The following MVD variants were observed in gnomAD, a reference collection of about 807,000 sequenced individuals.
MVD encodes the protein mevalonate diphosphate decarboxylase, also known as diphosphomevalonate decarboxylase.
MVD carries 52 observed loss-of-function variants against 42.4 expected under a neutral mutation model. The ratio of observed to expected loss-of-function variants is 1.23; its 90% CI spans 0.98 to 1.55. The LOEUF is 1.55. Among genes scored for constraint, MVD ranks in the 40% most tolerant of loss-of-function variants. The pLI, the probability that MVD is intolerant of heterozygous loss-of-function variation, is 0.00. For missense variants in MVD, 663 were observed against 572.1 expected, an observed-to-expected ratio of 1.16 and a Z score of -1.62; for synonymous variants, 287 against 243.2, an observed-to-expected ratio of 1.18 and a Z score of -1.68.
chr16:88,657,592 C>G lies in MVD; in HGVS notation c.257-10G>C, dbSNP rs573525681. On this transcript the variant is annotated splice_polypyrimidine_tract_variant and intron_variant, in intron 3 of 9. Transcript: ENST00000301012. ...CGGGCCAGGCAGCGGACTGCAGAGA[C>G]AATGAGACAGCGTGTGGCCCAGCCG... 9.3e-6 allele frequency: 15 copies of G among 1,610,592 alleles called. No individual in the cohort carries two copies. The South Asian group carries it at 1.5e-4, about 17-fold the overall frequency.
At position 88,658,165 on chromosome 16, in the gene MVD, G is replaced by A. The variant is rs562660029; in HGVS notation, c.142-136C>T. 300 of 817,834 alleles carry A rather than the reference G, an allele frequency of 3.7e-4. 6 individuals carry two copies. The South Asian group carries it at 4.7e-3, about 13-fold the overall frequency. The allele number at this position is 817,834 out of a possible 1,614,324, so 50.7% of individuals were successfully genotyped here. A position where few individuals can be genotyped will look rare whatever the true frequency, so the allele number is the denominator to read the frequency against. On this transcript the variant is annotated intron_variant, in intron 2 of 9. Transcript: ENST00000301012. ...CCCTGCTGAGGGCAGGGGGGGAAAG[G>A]CCAGTCTCAGCTGGGCAGTGGGGAA...
At position 88,655,713 on chromosome 16, in the gene MVD, C is replaced by G; in HGVS notation, c.621G>C (p.Lys207Asn). 10 of 1,559,368 alleles carry G rather than the reference C, an allele frequency of 6.4e-6. No individual in the cohort carries two copies. Among genetic ancestry groups the G allele is most frequent in the Non-Finnish European group, 8.7e-6 (10 of 1,151,772 alleles). ...VLILVVSAEK[K>N]LTGSTVGMRA... ...GCATGCCCACGGTACTGCCTGTCAG[C>G]TTCTTCTCAGCGCTCACCTGCACGA... is the stretch of plus-strand genomic sequence containing the variant. The change falls in exon 6 of 10, where the codon AAG becomes AAC. Residue 207 changes from lysine to asparagine, a missense_variant. Transcript: ENST00000301012.
chr16:88,660,538 G>A (rs937205897), intron 1 of MVD: 2 of 151,784 alleles, frequency 1.3e-5, no homozygotes, highest in South Asian at 2.1e-4. Flanking sequence ...CCAGCTACTC[G>A]AGAGGCTGAG....
chr16:88,656,216 A>T lies in MVD; in HGVS notation c.492T>A (p.Tyr164Ter). 1 of 1,601,074 alleles carries T rather than the reference A, an allele frequency of 6.2e-7. No individual in the cohort carries two copies. Among genetic ancestry groups the T allele is most frequent in the Non-Finnish European group, 8.5e-7 (1 of 1,179,916 alleles). ...CCATCTGCCACTCCACAAAGCCCCC[A>T]TACAGGCTCCGGCAGGCGCTGCCTG... is the stretch of plus-strand genomic sequence containing the variant. ...RGSGSACRSLYGGFVEWQMGE... is the reference protein window; with the variant it reads ...RGSGSACRSL Residue 164 changes from tyrosine to a stop codon, truncating the protein, a stop_gained, in exon 5 of 10, where the codon TAT (tyrosine) becomes TAA (stop). Transcript: ENST00000301012. LOFTEE classifies it high-confidence loss of function.
rs796744937 is a variant in MVD at position 88,654,896 on chromosome 16, C to A, written c.898-89G>T. On this transcript the variant is annotated intron_variant, in intron 7 of 9. Transcript: ENST00000301012. ...CTGGTCTGCCAGGCGGCCTTGGGCT[C>A]TCCAAGAGCTCAGTCTAGGCCCTCA... The A allele has an allele frequency of 1.3e-5, 17 of 1,285,332 alleles. No individual in the cohort carries two copies. In the African/African-American group the frequency reaches 2.3e-4, roughly 17 times the overall value. 79.6% of individuals were successfully genotyped at this position (1,285,332 alleles called of 1,614,324 possible).
chr16:88,658,861 C>G (rs36097944), intron 1 of MVD, 141 bp from the exon 2 acceptor site: 1 of 693,798 alleles, frequency 1.4e-6, no homozygotes, highest in African/African-American at 1.8e-5. Context: ...TGTGCCCCTC[C>G]TCCTGCCAGA....
Position 88,654,779 on chromosome 16 carries a change from T to C in MVD, c.926A>G (p.Asn309Ser), listed in dbSNP as rs780751762. The change falls in exon 8 of 10, where the codon AAT becomes AGT. Residue 309 changes from asparagine (N) to serine (S), a missense_variant. Asn to Ser is a conservative substitution (Grantham distance 46). Transcript: ENST00000301012. ...KVAYTFDAGP[N>S]AVIFTLDDTV... ...GTCGTCCAGGGTGAAGATCACGGCA[T>C]TGGGGCCCGCGTCAAAGGTGTACGC... 5.0e-6 allele frequency: 8 copies of C among 1,590,546 alleles called. No individual in the cohort carries two copies. Among genetic ancestry groups the C allele is most frequent in the Non-Finnish European group, 6.8e-6 (8 of 1,170,772 alleles).
Position 88,652,416 on chromosome 16 carries a change from C to G in MVD, c.*109G>C, listed in dbSNP as rs143221027. On this transcript the variant is annotated 3_prime_UTR_variant, in exon 10 of 10. Coordinates refer to ENST00000301012, the MANE Select transcript of MVD (RefSeq NM_002461.3). ...AGCAAGCTGCCCATGGGCCCGGGGTCAAGCCACCACCCACATGTCCCAGGA... is the reference window on the plus strand; with the variant it reads ...AGCAAGCTGCCCATGGGCCCGGGGTGAAGCCACCACCCACATGTCCCAGGA... The G allele has an allele frequency of 1.6e-6, 2 of 1,281,054 alleles. No homozygotes were observed. Among genetic ancestry groups the G allele is most frequent in the East Asian group, 2.5e-5 (1 of 39,684 alleles). The allele number at this position is 1,281,054 out of a possible 1,614,324, so 79.4% of individuals were successfully genotyped here. A position where few individuals can be genotyped will look rare whatever the true frequency, so the allele number is the denominator to read the frequency against.
At chr16:88,658,216 C>A (rs1908065470) in intron 2 of MVD, among the ~76,000 whole-genome samples, 187 bp from the exon 3 acceptor site, 1 of 152,122 alleles carries the variant, frequency 6.6e-6, no homozygotes, top group Non-Finnish European at 1.5e-5. Context: ...AAGCGTGGGC[C>A]ACACCTTGTG....
Position 88,652,213 on chromosome 16 carries a change from T to C in MVD, c.*312A>G. 7.9e-6 allele frequency: 4 copies of C among 506,992 alleles called. No individual in the cohort carries two copies. The highest frequency in any genetic ancestry group is 6.2e-5 in the South Asian group (3 of 48,778). 31.4% of individuals were successfully genotyped at this position (506,992 alleles called of 1,614,324 possible). On this transcript the variant is annotated 3_prime_UTR_variant, in exon 10 of 10. Coordinates refer to ENST00000301012, the MANE Select transcript of MVD (RefSeq NM_002461.3). ...AGCTCCTTTCTCAGAGAACTGGGCA[T>C]AGCCAGAGCTGGGGTGAGAAAGCCC...
At chr16:88,659,141 T>G (rs527396770) in intron 1 of MVD, 158 of 207,160 alleles carry the variant, frequency 7.6e-4, no homozygotes, top group Admixed American at 1.5e-3. Flanking sequence ...AGCACGGCCA[T>G]GGGACAGCAC....
intron 8 of MVD, 177 bp from the exon 9 acceptor site, chr16:88,653,585 TAAG>T (rs1907718093): frequency 5.3e-6 from 3 of 566,350 alleles, no homozygotes; most frequent in Admixed American, 3.6e-5. Context: ...ATGAAAAAGT[TAAG>T]GAGGTGGCTT....
chr16:88,657,638 C>T (rs1199729001), intron 3 of MVD, 56 bp from the exon 4 acceptor site: 3 of 1,588,276 alleles, frequency 1.9e-6, no homozygotes, highest in Admixed American at 3.4e-5. Flanking sequence ...GCCCGCCCTG[C>T]TCCTGCCCAC....
In MVD at chr16:88,655,229, G is replaced by A; in HGVS notation, c.867C>T (p.His289=). 1 of 1,576,560 alleles carries A rather than the reference G, an allele frequency of 6.3e-7. No homozygotes were observed. Among genetic ancestry groups the A allele is most frequent in the Non-Finnish European group, 8.6e-7 (1 of 1,161,348 alleles). The part of the protein sequence containing the change: ...AISWRIIHLV[H]RFNAHHGDTK... ...TGTCCCCGTGGTGGGCGTTGAAGCG[G>A]TGCACCAGGTGGATGATGCGCCAGG... The change falls in exon 7 of 10, where the codon CAC becomes CAT. Residue 289 remains histidine (H), a synonymous_variant. Transcript: ENST00000301012.
At chr16:88,662,591 G>A in intron 1 of MVD, 2 of 949,092 alleles carry the variant, frequency 2.1e-6, no homozygotes, top group South Asian at 3.6e-5. Flanking sequence ...CTCGGGCTGG[G>A]GGAGCAGTGG....
rs762821371 is a variant in MVD, at chr16:88,656,298, G to C, written c.410C>G (p.Thr137Ser). 5 of 1,599,412 alleles carry C rather than the reference G, an allele frequency of 3.1e-6. No homozygotes were observed. Among genetic ancestry groups the C allele is most frequent in the Non-Finnish European group, 8.5e-7 (1 of 1,179,932 alleles). The stretch of plus-strand genomic sequence containing the variant: ...CTCCACGCCGTAGACACGGGCCAGG[G>C]TGTAGGCTGCAGGCATGCGGATTCA... ...SAAGYACLAY[T>S]LARVYGVESD... is the part of the protein sequence containing the mutation. Residue 137 changes from threonine (T) to serine (S), a missense_variant, in exon 5 of 10, where the codon ACC (threonine) becomes AGC (serine). Coordinates refer to ENST00000301012, the MANE Select transcript of MVD (RefSeq NM_002461.3).
intron 1 of MVD, chr16:88,659,470 C>A (rs1908153776): frequency 6.5e-6 from 1 of 152,946 alleles, no homozygotes; most frequent in Non-Finnish European, 1.5e-5. Flanking sequence ...ACTTCTCCCG[C>A]TTCCTCCCAC....
chr16:88,653,125 G>C (rs1567612905), intron 9 of MVD, among the ~76,000 whole-genome samples, 175 bp downstream of exon 9: 1 of 152,236 alleles, frequency 6.6e-6, no homozygotes, highest in Non-Finnish European at 1.5e-5. Flanking sequence ...AGCATCACCA[G>C]TGGCCTGTAA....
At chr16:88,654,277 T>G (rs1253140282) in intron 8 of MVD, among the ~76,000 whole-genome samples, 1 of 152,180 alleles carries the variant, frequency 6.6e-6, no homozygotes, top group African/African-American at 2.4e-5. Context: ...CCCGGCCGCC[T>G]TGACTGGCTC....
Sources: allele counts gnomAD v4.1 joint callset (sites outside exome capture counted in the v4.1 genomes callset), GRCh38; gene constraint gnomAD v4.1.1; transcripts MANE v1.5; gene names NCBI Gene and HGNC (gene_info 2026-07-23, HGNC 2026-07-21).